RNGTT: variants seen among roughly 807,000 people sequenced by gnomAD.
RNGTT encodes the protein mRNA-capping enzyme.
In RNGTT, 33 loss-of-function variants were observed where a neutral mutation model predicts 79.3. That is an observed-to-expected ratio of 0.42 (90% CI 0.32 to 0.56). The LOEUF is 0.56. Among genes scored for constraint, RNGTT ranks in the 20% least tolerant of loss-of-function variants. RNGTT has a pLI of 0.17. For synonymous variants in RNGTT, 222 were observed against 235.9 expected, an observed-to-expected ratio of 0.94 and a Z score of 0.54; for missense variants, 497 against 739.1, an observed-to-expected ratio of 0.67 and a Z score of 3.80.
intron 13 of RNGTT, among the ~76,000 whole-genome samples, chr6:88,685,908 A>G (rs1304980868): frequency 6.6e-6 from 1 of 151,870 alleles, no homozygotes; most frequent in Non-Finnish European, 1.5e-5. Flanking sequence ...TTCTATCACC[A>G]TTTTTGTTTA....
In RNGTT at chr6:88,612,869, G is replaced by A; in HGVS notation, c.1644C>T (p.Ser548=). 1.2e-6 allele frequency: 2 copies of A among 1,613,644 alleles called. No individual in the cohort carries two copies. The highest frequency in any genetic ancestry group is 1.7e-6 in the Non-Finnish European group (2 of 1,179,820). ...AYNTAMAVCN[S]ISNPVTKEML... Reference sequence around the variant, plus strand: ...TCTCCTTGGTGACAGGGTTTGAGATGCTGTTACACACAGCTGTGGACAAAG... The same window carrying A: ...TCTCCTTGGTGACAGGGTTTGAGATACTGTTACACACAGCTGTGGACAAAG... The change falls in exon 16 of 16, where the codon AGC becomes AGT. Residue 548 remains serine, a synonymous_variant. Transcript: ENST00000369485.
chr6:88,888,252 A>G (rs139471774), intron 8 of RNGTT, among the ~76,000 whole-genome samples: 168 of 152,316 alleles, frequency 1.1e-3, no homozygotes, highest in African/African-American at 3.9e-3. Flanking sequence ...CTAGAGATAG[A>G]CACCTTGACC....
chr6:88,940,970 T>C, intron 2 of RNGTT, 101 bp downstream of exon 2: 1 of 616,450 alleles, frequency 1.6e-6, no homozygotes, highest in East Asian at 2.8e-5. Flanking sequence ...CTTGAGTCTA[T>C]TAATTATTTT....
At chr6:88,629,700 A>C (rs563085097) in intron 14 of RNGTT, among the ~76,000 whole-genome samples, 1 of 152,174 alleles carries the variant, frequency 6.6e-6, no homozygotes, top group Non-Finnish European at 1.5e-5. Context: ...GATCTATTCT[A>C]AATTAGGTAG....
chr6:88,940,357 G>A (rs1176430661), intron 2 of RNGTT, among the ~76,000 whole-genome samples: 2 of 152,204 alleles, frequency 1.3e-5, no homozygotes, highest in Admixed American at 6.5e-5. Context: ...GGGATTACAG[G>A]CATGAGCCAT....
chr6:88,721,211 A>AC (rs764757100), intron 13 of RNGTT, among the ~76,000 whole-genome samples: 17 of 151,972 alleles, frequency 1.1e-4, no homozygotes, highest in South Asian at 2.1e-4. Flanking sequence ...CCAAATCTCT[A>AC]CCTTAAATCC....
At chr6:88,692,560 T>C (rs1183467375) in intron 13 of RNGTT, among the ~76,000 whole-genome samples, 1 of 151,822 alleles carries the variant, frequency 6.6e-6, no homozygotes, top group Non-Finnish European at 1.5e-5. Flanking sequence ...TTTCCACTGA[T>C]ATAAATTTAT....
chr6:88,827,162 T>C (rs1582509615), intron 11 of RNGTT, among the ~76,000 whole-genome samples: 1 of 150,034 alleles, frequency 6.7e-6, no homozygotes, highest in Non-Finnish European at 1.5e-5. Flanking sequence ...CAGAAGGCGG[T>C]GATTTCTGCA....
chr6:88,747,365 C>T (rs2127828450), intron 13 of RNGTT, among the ~76,000 whole-genome samples: 1 of 152,304 alleles, frequency 6.6e-6, no homozygotes. Flanking sequence ...AATCATGGCT[C>T]CTCTTTCTCA....
chr6:88,749,674 A>G (rs1427417819), intron 13 of RNGTT, among the ~76,000 whole-genome samples: 1 of 152,182 alleles, frequency 6.6e-6, no homozygotes, highest in Non-Finnish European at 1.5e-5. Flanking sequence ...GCTGTTCACA[A>G]GAGATCTAAA....
chr6:88,798,522 A>G (rs183940994), intron 12 of RNGTT, among the ~76,000 whole-genome samples: 235 of 152,288 alleles, frequency 1.5e-3, no homozygotes, highest in Non-Finnish European at 3.0e-3. Context: ...GAAATCCTCA[A>G]GAAGCAATTA....
chr6:88,828,127 C>A (rs1780732940), intron 11 of RNGTT, among the ~76,000 whole-genome samples: 1 of 152,292 alleles, frequency 6.6e-6, no homozygotes, highest in East Asian at 1.9e-4. Flanking sequence ...TCAACAGACA[C>A]CTCATACAGG....
intron 12 of RNGTT, among the ~76,000 whole-genome samples, chr6:88,772,881 A>G (rs1316780588): frequency 6.6e-6 from 1 of 152,108 alleles, no homozygotes; most frequent in African/African-American, 2.4e-5. Context: ...GGGACTGTAA[A>G]CTAGTTCAAC....
intron 12 of RNGTT, among the ~76,000 whole-genome samples, chr6:88,799,823 T>C (rs1388704752): frequency 6.6e-6 from 1 of 151,918 alleles, no homozygotes; most frequent in African/African-American, 2.4e-5. Flanking sequence ...TTCCTACATA[T>C]GCCATATATG....
chr6:88,659,345 C>T (rs1224219348), intron 14 of RNGTT, among the ~76,000 whole-genome samples: 2 of 152,132 alleles, frequency 1.3e-5, no homozygotes, highest in African/African-American at 2.4e-5. Context: ...TATTAAGCTA[C>T]TCAAGGAGGT....
intron 14 of RNGTT, among the ~76,000 whole-genome samples, chr6:88,663,647 T>G (rs1298901090): frequency 6.6e-6 from 1 of 152,000 alleles, no homozygotes; most frequent in Non-Finnish European, 1.5e-5. Flanking sequence ...GCTCCCCACA[T>G]CGAAGCCCAC....
intron 14 of RNGTT, among the ~76,000 whole-genome samples, chr6:88,620,295 A>T (rs1772395720): frequency 6.6e-6 from 1 of 152,202 alleles, no homozygotes; most frequent in South Asian, 2.1e-4. Flanking sequence ...ACTTATCCCA[A>T]GTTATTATAG....
At chr6:88,956,541 T>C (rs1373864378) in intron 1 of RNGTT, among the ~76,000 whole-genome samples, 1 of 152,200 alleles carries the variant, frequency 6.6e-6, no homozygotes, top group Non-Finnish European at 1.5e-5. Flanking sequence ...AATCATTCTA[T>C]GAAGCCAGTA....
At chr6:88,730,464 T>C (rs1777070543) in intron 13 of RNGTT, among the ~76,000 whole-genome samples, 1 of 152,250 alleles carries the variant, frequency 6.6e-6, no homozygotes, top group African/African-American at 2.4e-5. Context: ...GTGCTCACCA[T>C]TGCTCCATCT....
Sources: gnomAD v4.1 joint callset for allele counts (sites outside exome capture counted in the v4.1 genomes callset) on GRCh38, gnomAD v4.1.1 for gene constraint, MANE v1.5 for transcripts, NCBI Gene and HGNC (gene_info 2026-07-23, HGNC 2026-07-21) for gene names.